Variants in NME6 observed in about 807,000 individuals in gnomAD.
The protein encoded by NME6 is NME/NM23 nucleoside diphosphate kinase 6, also known as nucleoside diphosphate kinase 6, mitochondrial.
NME6 carries 16 observed loss-of-function variants against 22.2 expected under a neutral mutation model. The ratio of observed to expected loss-of-function variants is 0.72; its 90% CI spans 0.49 to 1.09. The LOEUF is 1.09. NME6 is among the 50% of genes least tolerant of loss of function. The probability of loss-of-function intolerance (pLI) is 0.00; values close to 1 mark genes in which losing one functional copy is unlikely to be tolerated. For synonymous variants in NME6, 58 were observed against 85.2 expected (o/e 0.68, Z 1.76); for missense variants, 229 against 239.0 (o/e 0.96, Z 0.28).
Position 48,294,762 on chromosome 3 carries a change from G to A in NME6, c.436C>T (p.Pro146Ser). 6.2e-7 allele frequency: 1 copy of A among 1,614,160 alleles called. No homozygotes were observed. ...TACCAGCGCTGTTCACTGAAGTCAG[G>A]GAAGAAGGCTGCAATCTCTCTGCTG... ...SASREIAAFF[P>S]DFSEQRWYEE... The change falls in exon 6 of 6, where the codon CCT becomes TCT. Residue 146 changes from proline (P) to serine (S), a missense_variant. Coordinates refer to ENST00000442597, the MANE Select transcript of NME6 (RefSeq NM_001308426.2).
intron 1 of NME6, chr3:48,301,133 C>T (rs1575333652): frequency 2.5e-6 from 2 of 787,882 alleles, no homozygotes; most frequent in East Asian, 6.2e-5. Context: ...GGCGGCGGCC[C>T]AGCCCTGGTC....
rs1411514785 is a variant in NME6 at position 48,300,019 on chromosome 3, C to T, written c.-8+1334G>A. On this transcript the variant is annotated intron_variant, in intron 1 of 5. Coordinates refer to ENST00000442597, the MANE Select transcript of NME6 (RefSeq NM_001308426.2). ...CTCAAAACCCATACCATTCTCCCAT[C>T]CTCAACTGCTACCACCATAACTCTA... Among the ~76,000 whole-genome samples, 7 of 152,188 alleles carry T rather than the reference C, an allele frequency of 4.6e-5. No homozygotes were observed. In the East Asian group the frequency reaches 1.2e-3, roughly 25 times the overall value.
chr3:48,288,416 CTAA>C (rs1165698055), downstream of NME6, among the ~76,000 whole-genome samples: 1 of 151,448 alleles, frequency 6.6e-6, no homozygotes, highest in Non-Finnish European at 1.5e-5. Context: ...TGGAAGAATT[CTAA>C]TAATGTCAAA....
chr3:48,293,948 A>AATG lies in NME6; in HGVS notation c.*686_*688dup, dbSNP rs1172257031. ...TAACTGAATGCTGCTGAGAAGTCAG[A>AATG]ATGATGAAGCCTGAAAAGTTTCCCC... On this transcript the variant is annotated 3_prime_UTR_variant, in exon 6 of 6. Coordinates refer to ENST00000442597, the MANE Select transcript of NME6 (RefSeq NM_001308426.2). 1.3e-5 allele frequency: 2 copies of AATG among 152,252 alleles called. No homozygotes were observed. The highest frequency in any genetic ancestry group is 4.8e-5 in the African/African-American group (2 of 41,460). 9.4% of individuals were successfully genotyped at this position (152,252 alleles called of 1,614,324 possible).
rs533584865 is a variant in NME6 at position 48,293,899 on chromosome 3, G to A, written c.*738C>T. 6.6e-6 allele frequency: 1 copy of A among 152,366 alleles called. No homozygotes were observed. The highest frequency in any genetic ancestry group is 2.1e-4 in the South Asian group (1 of 4,830). The allele number at this position is 152,366 out of a possible 1,614,324, so 9.4% of individuals were successfully genotyped here. ...TGGGATCAGAAAATCCAAGAGAAGAGAGTGTTTCTGGAGAATGAAGCAATA... is the reference window on the plus strand; with the variant it reads ...TGGGATCAGAAAATCCAAGAGAAGAAAGTGTTTCTGGAGAATGAAGCAATA... On this transcript the variant is annotated 3_prime_UTR_variant, in exon 6 of 6. Transcript: ENST00000442597.
In NME6 at chr3:48,294,675, G is replaced by C. The variant is rs1209458917; in HGVS notation, c.523C>G (p.His175Asp). 1 of 1,614,166 alleles carries C rather than the reference G, an allele frequency of 6.2e-7. No individual in the cohort carries two copies. Among genetic ancestry groups the C allele is most frequent in the Non-Finnish European group, 8.5e-7 (1 of 1,180,022 alleles). ...AGGCCTCCTGTTCCAGCTACATAGT[G>C]GACACCTCCCTCTGGGCTATAGCAC... Reference protein sequence around the residue: ...PVCYSPEGGVHYVAGTGGLGP... With the variant: ...PVCYSPEGGVDYVAGTGGLGP... Residue 175 changes from histidine to aspartate, a missense_variant, in exon 6 of 6, where the codon CAC becomes GAC. By Grantham distance (81) the His-to-Asp change is moderately conservative. Coordinates refer to ENST00000442597, the MANE Select transcript of NME6 (RefSeq NM_001308426.2).
rs1304260966 is a variant in NME6 at position 48,295,386 on chromosome 3, AG to A, written c.234-152del. On this transcript the variant is annotated intron_variant, in intron 4 of 5. Transcript: ENST00000442597. ...CAATGCTGCTTCAAATAGGTGATGC[AG>A]GGCCCCTGCTGGTGTACATCAAGCC... 3.6e-6 allele frequency: 3 copies of A among 832,658 alleles called. No homozygotes were observed. The African/African-American group carries it at 5.2e-5, about 14-fold the overall frequency. 51.6% of individuals were successfully genotyped at this position (832,658 alleles called of 1,614,324 possible). A position where few individuals can be genotyped will look rare whatever the true frequency, so the allele number is the denominator to read the frequency against.
At chr3:48,291,485 A>G, downstream of NME6, 1 of 202,650 alleles carries the variant, frequency 4.9e-6, no homozygotes, top group Non-Finnish European at 1.0e-5. Context: ...GGCTCAAGCA[A>G]TCCTCCCACT....
intron 3 of NME6, 131 bp from the exon 4 acceptor site, chr3:48,296,289 C>G (rs563926948): frequency 3.0e-6 from 4 of 1,312,608 alleles, no homozygotes; most frequent in Non-Finnish European, 4.3e-6. Flanking sequence ...TGGAGTCTGA[C>G]AAACCTGGGT....
At chr3:48,291,197 G>T, downstream of NME6, 1 of 346,250 alleles carries the variant, frequency 2.9e-6, no homozygotes. Flanking sequence ...GGTGGACCCA[G>T]CTGTGTAATA....
In NME6 at chr3:48,295,023, C is replaced by T. The variant is rs1477737698; in HGVS notation, c.394+52G>A. ...GGACCTGGCTGTCAACTCTACCACA[C>T]AGCCTGCCCGCTAACCCCAAAATAT... is the stretch of plus-strand genomic sequence containing the variant. On this transcript the variant is annotated intron_variant, in intron 5 of 5. Transcript: ENST00000442597. 1.7e-5 allele frequency: 27 copies of T among 1,577,442 alleles called. No homozygotes were observed. In the Admixed American group the frequency reaches 4.5e-4, roughly 26 times the overall value.
chr3:48,296,638 A>G, intron 3 of NME6, 89 bp downstream of exon 3: 4 of 892,984 alleles, frequency 4.5e-6, no homozygotes, highest in Non-Finnish European at 7.0e-6. Context: ...TTGGTAGGTC[A>G]GAGAGCCTGC....
chr3:48,298,083 C>T (rs2035298527), intron 2 of NME6: 1 of 316,770 alleles, frequency 3.2e-6, no homozygotes, highest in Non-Finnish European at 6.1e-6. Flanking sequence ...ACAACTCAGC[C>T]AAGCCTACTG....
chr3:48,291,362 T>C (rs1243810170), downstream of NME6: 2 of 469,766 alleles, frequency 4.3e-6, no homozygotes, highest in Non-Finnish European at 8.5e-6. Flanking sequence ...CCTTGTTTTC[T>C]TTTGCTCTCA....
downstream of NME6, among the ~76,000 whole-genome samples, chr3:48,289,134 A>G (rs1198081213): frequency 2.6e-5 from 4 of 151,482 alleles, no homozygotes; most frequent in African/African-American, 9.7e-5. Context: ...GCGTGATCTC[A>G]GCTCACCGCA....
At chr3:48,291,154 T>C (rs566405431), downstream of NME6, 194 of 311,014 alleles carry the variant, frequency 6.2e-4, 3 homozygotes, top group South Asian at 5.6e-3. Context: ...AATAGAAAAG[T>C]TGGTAACGCT....
At chr3:48,290,888 T>G (rs1176256775), downstream of NME6, 1 of 235,806 alleles carries the variant, frequency 4.2e-6, no homozygotes, top group Non-Finnish European at 8.4e-6. Flanking sequence ...AATCTTAGGA[T>G]TCTTCTTTTA....
At chr3:48,301,004 C>T (rs1353587603) in intron 1 of NME6, among the ~76,000 whole-genome samples, 1 of 152,106 alleles carries the variant, frequency 6.6e-6, no homozygotes, top group Non-Finnish European at 1.5e-5. Flanking sequence ...GCCGAGATCG[C>T]GCCACTGCAC....
downstream of NME6, among the ~76,000 whole-genome samples, chr3:48,289,054 G>A (rs1413671778): frequency 6.6e-6 from 1 of 150,382 alleles, no homozygotes; most frequent in African/African-American, 2.4e-5. Flanking sequence ...CTGAAGAGAT[G>A]GACATTTAAA....
Sources: gnomAD v4.1 joint callset for allele counts (sites outside exome capture counted in the v4.1 genomes callset) on GRCh38, gnomAD v4.1.1 for gene constraint, MANE v1.5 for transcripts, NCBI Gene and HGNC (gene_info 2026-07-23, HGNC 2026-07-21) for gene names.